ZNF600: variants seen among roughly 807,000 people sequenced by gnomAD.
The protein encoded by ZNF600 is zinc finger protein 600, also known as zinc finger protein KR-ZNF1.
Under a neutral mutation model 7.3 loss-of-function variants are expected in ZNF600, and 4 were observed. The ratio of observed to expected loss-of-function variants is 0.55; its 90% confidence interval spans 0.27 to 1.25. ZNF600 has a LOEUF of 1.25. ZNF600 is among the 50% of genes most tolerant of loss of function. The pLI is 0.12. For synonymous variants in ZNF600, 290 were observed against 308.9 expected (o/e 0.94, Z 0.64); for missense variants, 911 against 922.1 (o/e 0.99, Z 0.16).
chr19:52,766,878 C>T lies in ZNF600; in HGVS notation c.1085G>A (p.Arg362His), dbSNP rs375256564. 24 of 1,614,022 alleles carry T rather than the reference C, an allele frequency of 1.5e-5. No individual in the cohort carries two copies. Among genetic ancestry groups the T allele is most frequent in the East Asian group, 4.5e-5 (2 of 44,878 alleles). ...AGGTTTCTCTCCAGTATGAATTCTA[C>T]GATGACGTGCAAGGTTTGATTGCTG... The change falls in exon 4 of 4, where the codon CGT becomes CAT. Residue 362 changes from arginine to histidine, a missense_variant. Arg to His is a conservative substitution (Grantham distance 29, BLOSUM62 0). Transcript: ENST00000648973.
chr19:52,765,732 A>G (rs2062564775), exon 4 of ZNF600: 1 of 1,613,818 alleles, frequency 6.2e-7, no homozygotes, highest in African/African-American at 1.3e-5. Flanking sequence ...ATCACTCCCA[A>G]AAGTCTTGTC....
At chr19:52,793,256 C>T in the ZNF600 span, among the ~76,000 whole-genome samples, 452 of 152,312 alleles carry the variant, frequency 3.0e-3, 1 homozygote, top group Non-Finnish European at 4.9e-3. Flanking sequence ...GCCCCGTCCA[C>T]CTTGGGCACA....
At chr19:52,810,912 TCCC>T in the ZNF600 span, among the ~76,000 whole-genome samples, 1 of 48,908 alleles carries the variant, frequency 2.0e-5, no homozygotes, top group Non-Finnish European at 3.7e-5. Context: ...CCTCTCCCTC[TCCC>T]TCCACAGTCT....
intron 3 of ZNF600, among the ~76,000 whole-genome samples, chr19:52,773,243 A>C (rs2062645304): frequency 6.6e-6 from 1 of 152,196 alleles, no homozygotes; most frequent in South Asian, 2.1e-4. Context: ...CCAAATCTTG[A>C]GCTTGGAAGA....
chr19:52,787,260 G>A (rs1027068767), upstream of ZNF600, among the ~76,000 whole-genome samples: 14 of 151,784 alleles, frequency 9.2e-5, no homozygotes, highest in Non-Finnish European at 1.6e-4. Flanking sequence ...ATGCGGGCAC[G>A]AGGCGGAAGC....
the ZNF600 span, chr19:52,810,765 G>T: frequency 4.3e-6 from 2 of 466,236 alleles, no homozygotes; most frequent in Non-Finnish European, 3.7e-6. Context: ...GAAAAAAAAA[G>T]AATAAAAAAA....
At chr19:52,791,321 T>C (rs1340794809), upstream of ZNF600, among the ~76,000 whole-genome samples, 1 of 152,196 alleles carries the variant, frequency 6.6e-6, no homozygotes, top group African/African-American at 2.4e-5. Context: ...TTCATGTCAC[T>C]GGCTCACAGG....
chr19:52,779,063 C>T (rs10416374), intron 1 of ZNF600, among the ~76,000 whole-genome samples, 156 bp from the exon 4 acceptor site: 13 of 152,250 alleles, frequency 8.5e-5, no homozygotes, highest in East Asian at 1.9e-4. Flanking sequence ...TCCCACAGGA[C>T]GACCTATAAG....
chr19:52,805,438 C>A, the ZNF600 span: 1 of 151,462 alleles, frequency 6.6e-6, no homozygotes, highest in Non-Finnish European at 1.5e-5. Context: ...TCCTGGCCAA[C>A]CAACATGGTG....
At chr19:52,811,782 C>T in the ZNF600 span, among the ~76,000 whole-genome samples, 10 of 147,712 alleles carry the variant, frequency 6.8e-5, no homozygotes, top group Middle Eastern at 3.6e-3. Context: ...GCCCCCCGCC[C>T]GGCCAGCCGC....
At chr19:52,766,183 G>A in exon 4 of ZNF600, 1 of 1,614,018 alleles carries the variant, frequency 6.2e-7, no homozygotes, top group South Asian at 1.1e-5. Context: ...CACTTGTAAG[G>A]TTTCTCACCA....
the ZNF600 span, chr19:52,801,224 A>G: frequency 1.2e-6 from 2 of 1,614,138 alleles, no homozygotes; most frequent in Non-Finnish European, 1.7e-6. Context: ...TCATGTGTAC[A>G]TTCCGTTTTT....
the ZNF600 span, among the ~76,000 whole-genome samples, chr19:52,809,442 A>G: frequency 6.6e-6 from 1 of 152,236 alleles, no homozygotes; most frequent in Non-Finnish European, 1.5e-5. Context: ...ATTTACTGGA[A>G]CACAAAGAAG....
chr19:52,812,762 T>TAAAAAAA, the ZNF600 span, among the ~76,000 whole-genome samples: 123 of 75,416 alleles, frequency 1.6e-3, no homozygotes, highest in African/African-American at 4.6e-3. Flanking sequence ...GAATGATCAA[T>TAAAAAAA]AAAAAAAAAA....
intron 1 of ZNF600, among the ~76,000 whole-genome samples, chr19:52,779,595 G>T (rs1379006776): frequency 4.6e-5 from 7 of 152,144 alleles, no homozygotes; most frequent in Non-Finnish European, 7.4e-5. Context: ...CTGTGTGAAA[G>T]GAAATAAATC....
At chr19:52,822,514 A>C in the ZNF600 span, among the ~76,000 whole-genome samples, 1 of 152,232 alleles carries the variant, frequency 6.6e-6, no homozygotes, top group South Asian at 2.1e-4. Context: ...GCCTTAGACC[A>C]GAATGTGTTG....
chr19:52,774,906 G>A (rs538584044), intron 2 of ZNF600, among the ~76,000 whole-genome samples: 1 of 152,224 alleles, frequency 6.6e-6, no homozygotes, highest in East Asian at 1.9e-4. Flanking sequence ...CACTATGGAA[G>A]TCTCAATTTC....
chr19:52,778,651 G>A (rs2062695697), intron 2 of ZNF600, among the ~76,000 whole-genome samples, 175 bp downstream of exon 4: 1 of 152,126 alleles, frequency 6.6e-6, no homozygotes, highest in African/African-American at 2.4e-5. Flanking sequence ...TCACATCACT[G>A]GGTCACAGGA....
At chr19:52,778,440 T>C (rs1392317211) in intron 2 of ZNF600, among the ~76,000 whole-genome samples, 1 of 152,212 alleles carries the variant, frequency 6.6e-6, no homozygotes, top group African/African-American at 2.4e-5. Context: ...CAGAATTTAC[T>C]AGATATCTGT....
Sources: allele counts gnomAD v4.1 joint callset (sites outside exome capture counted in the v4.1 genomes callset), GRCh38; gene constraint gnomAD v4.1.1; transcripts MANE v1.5; gene names NCBI Gene and HGNC (gene_info 2026-07-23, HGNC 2026-07-21).